The following EP400 variants were observed in gnomAD, a reference collection of about 807,000 sequenced individuals.
The protein encoded by EP400 is E1A-binding protein p400.
Under a neutral mutation model 354.1 loss-of-function variants are expected in EP400, and 105 were observed. That is an observed-to-expected ratio of 0.30 (90% confidence interval 0.25 to 0.35). The LOEUF (loss-of-function observed/expected upper bound fraction) is 0.35. Among genes scored for constraint, EP400 ranks in the 10% least tolerant of loss-of-function variants. The probability of loss-of-function intolerance (pLI) is 1.00; values close to 1 mark genes in which losing one functional copy is unlikely to be tolerated. For missense variants in EP400, 3,280 were observed against 4,121.0 expected (o/e 0.80, Z 5.59); for synonymous variants, 1,646 against 1,716.9 (o/e 0.96, Z 1.02).
At chr12:131,978,870 A>T (rs1035053327) in intron 2 of EP400, among the ~76,000 whole-genome samples, 1 of 152,036 alleles carries the variant, frequency 6.6e-6, no homozygotes, top group Non-Finnish European at 1.5e-5. Flanking sequence ...ATCTCTATAT[A>T]TCTCACATAT....
chr12:132,011,403 C>A, intron 15 of EP400, 95 bp from the exon 16 acceptor site: 1 of 1,479,554 alleles, frequency 6.8e-7, no homozygotes, highest in Non-Finnish European at 9.2e-7. Context: ...GTGACACATA[C>A]TCATACTGAT....
chr12:132,011,361 C>T (rs770062617), intron 15 of EP400, 137 bp from the exon 16 acceptor site: 12 of 1,081,610 alleles, frequency 1.1e-5, no homozygotes, highest in Non-Finnish European at 1.6e-5. Context: ...CTTGTTCCCC[C>T]CCAAGTCTGC....
rs188535833 is a variant in EP400, at chr12:132,054,431, A to G, written c.7729-543A>G. ...TGGGCAGTGCCCACATTCTGGAGCC[A>G]CGTCCTACAGGGGAGGGAGGCAGCC... On this transcript the variant is annotated intron_variant, in intron 43 of 52. Coordinates refer to ENST00000389561, the MANE Select transcript of EP400 (RefSeq NM_015409.5). This position sits in a 1 kb window ranked among gnomAD's most constrained non-coding sequence, Gnocchi z 4.0. 2.0e-5 allele frequency among the ~76,000 whole-genome samples: 3 copies of G among 152,358 alleles called. No individual in the cohort carries two copies. The highest frequency in any genetic ancestry group is 2.0e-4 in the Admixed American group (3 of 15,298).
chr12:131,997,827 C>T (rs1187960543), intron 12 of EP400, among the ~76,000 whole-genome samples: 1 of 152,128 alleles, frequency 6.6e-6, no homozygotes, highest in Non-Finnish European at 1.5e-5. Context: ...CCAAGTTGTC[C>T]ACCGATCAGC....
At chr12:131,950,523 C>G (rs922045014) in intron 1 of EP400, among the ~76,000 whole-genome samples, 27 of 152,284 alleles carry the variant, frequency 1.8e-4, no homozygotes, top group Admixed American at 7.8e-4. Flanking sequence ...CGAATTCACT[C>G]AGAACTTAAG....
chr12:132,078,060 A>G lies in EP400; in HGVS notation c.*387A>G, dbSNP rs1031934661. The G allele has an allele frequency of 6.3e-5, 12 of 191,422 alleles. No homozygotes were observed. The highest frequency in any genetic ancestry group is 1.1e-4 in the Non-Finnish European group (10 of 90,854). The allele number at this position is 191,422 out of a possible 1,614,324, so 11.9% of individuals were successfully genotyped here. A position where few individuals can be genotyped will look rare whatever the true frequency, so the allele number is the denominator to read the frequency against. On this transcript the variant is annotated 3_prime_UTR_variant, in exon 53 of 53. Transcript: ENST00000389561. The stretch of plus-strand genomic sequence containing the variant: ...GTCTGCCGTGTGTGAGGAGCATACA[A>G]TGGACTTTCTAAAGATAAGGCGTGG...
chr12:132,009,371 GC>G (rs1893688426), intron 15 of EP400, among the ~76,000 whole-genome samples: 1 of 152,170 alleles, frequency 6.6e-6, no homozygotes, highest in South Asian at 2.1e-4. Context: ...TCCTGAGGTT[GC>G]AGCCCTGCTT....
rs1289117987 is a variant in EP400, at chr12:132,052,858, G to A, written c.7395-288G>A. On this transcript the variant is annotated intron_variant, in intron 41 of 52. Transcript: ENST00000389561. The surrounding 1 kb of genome is among the most constrained non-coding windows in gnomAD (Gnocchi z 4.4). Reference sequence around the variant, plus strand: ...CAAGTACAGTGCAGACACATGAGGTGGGCTGTGCGTTTGGGGGCTGCCACA... The same window carrying A: ...CAAGTACAGTGCAGACACATGAGGTAGGCTGTGCGTTTGGGGGCTGCCACA... 1.3e-5 allele frequency among the ~76,000 whole-genome samples: 2 copies of A among 152,168 alleles called. No homozygotes were observed. Among genetic ancestry groups the A allele is most frequent in the African/African-American group, 2.4e-5 (1 of 41,444 alleles).
intron 51 of EP400, among the ~76,000 whole-genome samples, chr12:132,072,754 G>A (rs1015171446): frequency 3.3e-5 from 5 of 152,176 alleles, no homozygotes; most frequent in African/African-American, 9.7e-5. Context: ...GTGTTTAGAT[G>A]TCCCATTCTG....
chr12:132,041,857 A>G (rs1427655752), intron 32 of EP400, among the ~76,000 whole-genome samples: 2 of 151,680 alleles, frequency 1.3e-5, no homozygotes, highest in African/African-American at 4.8e-5. Context: ...GTGCCTCTTC[A>G]TATATTTACT....
Position 131,960,707 on chromosome 12 carries a change from G to GGGGGCCCCCCCCCC in EP400, c.88_89insGGGGCCCCCCCCCC (p.Ala30GlyfsTer37). 6.5e-7 allele frequency: 1 copy of GGGGGCCCCCCCCCC among 1,545,584 alleles called. No homozygotes were observed. The highest frequency in any genetic ancestry group is 8.7e-7 in the Non-Finnish European group (1 of 1,146,240). Reference sequence around the variant, plus strand: ...TGGCAGCGAGGGTGAGGAGCAGCCGGCCCACCCCAACCCACCCCCGTCCCC... The same window carrying GGGGGCCCCCCCCCC: ...TGGCAGCGAGGGTGAGGAGCAGCCGGGGGGCCCCCCCCCCCCCACCCCAACCCACCCCCGTCCCC... On this transcript the variant is annotated frameshift_variant, in exon 2 of 53. Transcript: ENST00000389561. LOFTEE classifies it high-confidence loss of function.
At position 132,027,472 on chromosome 12, in the gene EP400, G is replaced by T; in HGVS notation, c.5050G>T (p.Ala1684Ser). Residue 1684 changes from alanine (A) to serine (S), a missense_variant, in exon 26 of 53, where the codon GCT becomes TCT. Physicochemically the swap from Ala to Ser is moderately conservative, Grantham distance 99 (BLOSUM62 1). Transcript: ENST00000389561. This position sits in a 1 kb window ranked among gnomAD's most constrained non-coding sequence, Gnocchi z 4.9. ...GGGCCGCGTGGCGGTGAATGCCTTG[G>T]CTGTAGGAGAACCCGGAACGGCCTC... ...VPGRVAVNAL[A>S]VGEPGTASKP... The T allele has an allele frequency of 1.9e-6, 3 of 1,614,092 alleles. No individual in the cohort carries two copies. The highest frequency in any genetic ancestry group is 2.5e-6 in the Non-Finnish European group (3 of 1,180,024).
Position 132,048,075 on chromosome 12 carries a change from G to A in EP400, c.7200+2175G>A, listed in dbSNP as rs543958697. Among the ~76,000 whole-genome samples, 4 of 152,302 alleles carry A rather than the reference G, an allele frequency of 2.6e-5. No individual in the cohort carries two copies. In the South Asian group the frequency reaches 8.3e-4, roughly 32 times the overall value. On this transcript the variant is annotated intron_variant, in intron 39 of 52. Transcript: ENST00000389561. ...GTTCCCTGAACATTGCTGTTATTCT[G>A]TTCTTTTTTTGAGGTGCCCAGATTT...
chr12:132,065,045 T>C (rs1895844456), intron 48 of EP400, 159 bp downstream of exon 48: 1 of 1,310,048 alleles, frequency 7.6e-7, no homozygotes, highest in Non-Finnish European at 1.0e-6. Flanking sequence ...AGGACGGGAC[T>C]CACCACTCGT....
In EP400 at chr12:132,075,219, T is replaced by C. The variant is rs1013681938; in HGVS notation, c.9022-1297T>C. On this transcript the variant is annotated intron_variant, in intron 51 of 52. Transcript: ENST00000389561. The surrounding 1 kb of genome is among the most constrained non-coding windows in gnomAD (Gnocchi z 4.5). ...CAGCTGGCAGTAGCACGGGGCTCTT[T>C]TGCAAGCTCCCCACCGAGAACTGGC... Among the ~76,000 whole-genome samples the C allele has an allele frequency of 3.3e-5, 5 of 151,514 alleles. No individual in the cohort carries two copies. The highest frequency in any genetic ancestry group is 1.2e-4 in the African/African-American group (5 of 41,070).
rs1896319829 is a variant in EP400 at position 132,079,283 on chromosome 12, A to C, written c.*1610A>C. 6.6e-6 allele frequency: 1 copy of C among 152,252 alleles called. No homozygotes were observed. Among genetic ancestry groups the C allele is most frequent in the South Asian group, 2.1e-4 (1 of 4,832 alleles). 9.4% of individuals were successfully genotyped at this position (152,252 alleles called of 1,614,324 possible). A position where few individuals can be genotyped will look rare whatever the true frequency, so the allele number is the denominator to read the frequency against. ...AACCAAGCTTTGAAGAAACAGAAGAAATTAATCTTTTAGTTAGTTGAACAT... is the reference window on the plus strand; with the variant it reads ...AACCAAGCTTTGAAGAAACAGAAGACATTAATCTTTTAGTTAGTTGAACAT... On this transcript the variant is annotated 3_prime_UTR_variant, in exon 53 of 53. Transcript: ENST00000389561.
chr12:131,987,872 G>A lies in EP400; in HGVS notation c.2391G>A (p.Lys797=), dbSNP rs1314601372. The change falls in exon 7 of 53, where the codon AAG becomes AAA. Residue 797 remains lysine, a synonymous_variant. Coordinates refer to ENST00000389561, the MANE Select transcript of EP400 (RefSeq NM_015409.5). ...ATDFAQERRW[K]VAAAKKLVRT... ...ACTTTGCCCAGGAGAGGAGGTGGAA[G>A]GTGGCTGCTGCGAAGAAGGTGGGTT... The A allele has an allele frequency of 3.1e-6, 5 of 1,609,632 alleles. No individual in the cohort carries two copies. The highest frequency in any genetic ancestry group is 4.2e-6 in the Non-Finnish European group (5 of 1,177,694).
At chr12:131,979,940 C>G (rs1892622167) in intron 3 of EP400, 147 bp downstream of exon 3, 3 of 572,728 alleles carry the variant, frequency 5.2e-6, no homozygotes, top group Admixed American at 3.9e-5. Context: ...TGATTATCAG[C>G]TGAACAATAT....
intron 27 of EP400, 63 bp downstream of exon 27, chr12:132,028,351 T>C (rs1894376854): frequency 3.8e-6 from 6 of 1,576,998 alleles, no homozygotes; most frequent in Non-Finnish European, 5.2e-6. Flanking sequence ...GCAAGACCCC[T>C]TCTTGTCTCG....
Sources: gnomAD v4.1 joint callset for allele counts (sites outside exome capture counted in the v4.1 genomes callset) on GRCh38, gnomAD v4.1.1 for gene constraint, Gnocchi (gnomAD v3.1) non-coding constraint, MANE v1.5 for transcripts, NCBI Gene and HGNC (gene_info 2026-07-23, HGNC 2026-07-21) for gene names.